Variants in ESAM observed in about 807,000 individuals in gnomAD.
The protein encoded by ESAM is endothelial cell adhesion molecule.
Under a neutral mutation model 31.8 loss-of-function variants are expected in ESAM, and 23 were observed. That is an observed-to-expected ratio of 0.72 (90% CI 0.52 to 1.03). The LOEUF (loss-of-function observed/expected upper bound fraction) is 1.03, where lower values mean the gene tolerates loss of function less well. ESAM is among the 50% of genes least tolerant of loss of function. The pLI is 0.00. For missense variants in ESAM, 478 were observed against 488.9 expected (o/e 0.98, Z 0.21); for synonymous variants, 216 against 207.2 (o/e 1.04, Z -0.37).
intron 3 of ESAM, 34 bp downstream of exon 3, chr11:124,756,507 T>G (rs1450864104): frequency 6.2e-7 from 1 of 1,609,634 alleles, no homozygotes; most frequent in Non-Finnish European, 8.5e-7. Flanking sequence ...CCAGTGCAGG[T>G]GGGGAGGGGT....
chr11:124,757,119 A>G, intron 2 of ESAM: 1 of 221,632 alleles, frequency 4.5e-6, no homozygotes, highest in Non-Finnish European at 9.0e-6. Context: ...TGGAGGAAAA[A>G]AATATTAAAA....
Position 124,754,418 on chromosome 11 carries a change from C to A in ESAM, c.731-78G>T, listed in dbSNP as rs1944130704. On this transcript the variant is annotated intron_variant, in intron 5 of 6. Coordinates refer to ENST00000278927, the MANE Select transcript of ESAM (RefSeq NM_138961.3). This position sits in a 1 kb window ranked among gnomAD's most constrained non-coding sequence, Gnocchi z 4.5. ...CTCTCCAATCCCACTCTCCCCACCC[C>A]ATCTGCCACCATACACATTCCCTCT... The A allele has an allele frequency of 1.3e-6, 2 of 1,556,126 alleles. No individual in the cohort carries two copies. The highest frequency in any genetic ancestry group is 2.4e-5 in the South Asian group (2 of 82,174).
At chr11:124,761,431 G>T (rs888911628) in intron 1 of ESAM, among the ~76,000 whole-genome samples, 2 of 151,062 alleles carry the variant, frequency 1.3e-5, no homozygotes, top group Non-Finnish European at 1.5e-5. Context: ...TTTGGCTCTG[G>T]AAACCAATAA....
At position 124,759,390 on chromosome 11, in the gene ESAM, G is replaced by C. The variant is rs1476700918; in HGVS notation, c.71-863C>G. 6.6e-6 allele frequency: 1 copy of C among 152,374 alleles called. No homozygotes were observed. The highest frequency in any genetic ancestry group is 1.5e-5 in the Non-Finnish European group (1 of 68,148). The allele number at this position is 152,374 out of a possible 1,614,324, so 9.4% of individuals were successfully genotyped here. A position where few individuals can be genotyped will look rare whatever the true frequency, so the allele number is the denominator to read the frequency against. ...AGAAATACTCATCCTTTGCCCTTCG[G>C]GGAGGCAACAGAGCAGCCAACTGGT... On this transcript the variant is annotated intron_variant, in intron 1 of 6. Coordinates refer to ENST00000278927, the MANE Select transcript of ESAM (RefSeq NM_138961.3). The surrounding 1 kb of genome is among the most constrained non-coding windows in gnomAD (Gnocchi z 6.8).
At chr11:124,755,741 A>G (rs917324284) in intron 4 of ESAM, among the ~76,000 whole-genome samples, 11 of 152,242 alleles carry the variant, frequency 7.2e-5, no homozygotes, top group African/African-American at 2.7e-4. Context: ...GTCGTTCCAT[A>G]TGACCACAAT....
At position 124,762,096 on chromosome 11, in the gene ESAM, AG is replaced by A; in HGVS notation, c.58del (p.Leu20Ter). On this transcript the variant is annotated frameshift_variant, in exon 1 of 7. Transcript: ENST00000278927. LOFTEE classifies it high-confidence loss of function. This position sits in a 1 kb window ranked among gnomAD's most constrained non-coding sequence, Gnocchi z 6.4. Reference protein sequence around the residue: ...TNLLRFLFLGLSALAPPSRAQ... With the variant: ...TNLLRFLFLGXSALAPPSRAQ... ...CGGGTTTCACTCACCGAGGGCACTC[AG>A]CCCCAGGAACAAAAACCGCAGCAAG... The A allele has an allele frequency of 6.2e-7, 1 of 1,610,546 alleles. No homozygotes were observed. Among genetic ancestry groups the A allele is most frequent in the Non-Finnish European group, 8.5e-7 (1 of 1,178,312 alleles).
chr11:124,756,686 G>A lies in ESAM; in HGVS notation c.306C>T (p.Tyr102=). 3 of 1,614,190 alleles carry A rather than the reference G, an allele frequency of 1.9e-6. No homozygotes were observed. Among genetic ancestry groups the A allele is most frequent in the Non-Finnish European group, 2.5e-6 (3 of 1,180,050 alleles). ...TTSKPGVSLV[Y]SMPSRNLSLR... ...GGGACAGGTTCCGGGAGGGCATGGAGTAGACCAAGGATACTCCAGGTTTGC... is the reference window on the plus strand; with the variant it reads ...GGGACAGGTTCCGGGAGGGCATGGAATAGACCAAGGATACTCCAGGTTTGC... The change falls in exon 3 of 7, where the codon TAC becomes TAT. Residue 102 remains tyrosine (Y), a synonymous_variant. Coordinates refer to ENST00000278927, the MANE Select transcript of ESAM (RefSeq NM_138961.3).
Position 124,756,252 on chromosome 11 carries a change from C to T in ESAM, c.562G>A (p.Asp188Asn). 6.2e-7 allele frequency: 1 copy of T among 1,614,196 alleles called. No homozygotes were observed. The highest frequency in any genetic ancestry group is 8.5e-7 in the Non-Finnish European group (1 of 1,180,048). ...GTCTGGAAGGATGGAAGCTGCCGAT[C>T]CCACTGGTATTGGACAGCGGGCTTA... is the stretch of plus-strand genomic sequence containing the variant. ...RSKPAVQYQW[D>N]RQLPSFQTFF... The change falls in exon 4 of 7, where the codon GAT becomes AAT. Residue 188 changes from aspartate to asparagine, a missense_variant. Physicochemically the swap from Asp to Asn is conservative, Grantham distance 23. Transcript: ENST00000278927.
Position 124,753,262 on chromosome 11 carries a change from A to G in ESAM, c.*384T>C, listed in dbSNP as rs1459086103. The stretch of plus-strand genomic sequence containing the variant: ...CCTAACCAAGCCAGCCTGACAGGTT[A>G]TATCAATACAGGGAGCTGGAGTGGG... On this transcript the variant is annotated 3_prime_UTR_variant, in exon 7 of 7. Transcript: ENST00000278927. 1 of 214,046 alleles carries G rather than the reference A, an allele frequency of 4.7e-6. No individual in the cohort carries two copies. Among genetic ancestry groups the G allele is most frequent in the Non-Finnish European group, 9.4e-6 (1 of 106,436 alleles). The allele number at this position is 214,046 out of a possible 1,614,324, so 13.3% of individuals were successfully genotyped here.
rs1426216938 is a variant in ESAM at position 124,755,627 on chromosome 11, A to AGG, written c.607+579_607+580insCC. Among the ~76,000 whole-genome samples the AGG allele has an allele frequency of 1.7e-3, 252 of 152,326 alleles. 2 individuals carry two copies. The highest frequency in any genetic ancestry group is 5.8e-3 in the African/African-American group (243 of 41,584). On this transcript the variant is annotated intron_variant, in intron 4 of 6. Transcript: ENST00000278927. The stretch of plus-strand genomic sequence containing the variant: ...ATGAAAATCCATATTCCCACAACCT[A>AGG]GATCCAACAGTTGCTAACTTTTTGC...
At position 124,758,524 on chromosome 11, in the gene ESAM, G is replaced by C. The variant is rs147752327; in HGVS notation, c.74C>G (p.Pro25Arg). 2 of 1,553,604 alleles carry C rather than the reference G, an allele frequency of 1.3e-6. No homozygotes were observed. The highest frequency in any genetic ancestry group is 1.7e-6 in the Non-Finnish European group (2 of 1,150,026). The change falls in exon 2 of 7, where the codon CCC (proline) becomes CGC (arginine). Residue 25 changes from proline to arginine, a missense_variant. Transcript: ENST00000278927. ...CAGTTGCAGCTGGGCCCGCGAGGGG[G>C]GCGCTGGAGACAAGAGCGAGGCGTG... ...FLFLGLSALAPPSRAQLQLHL... is the reference protein window; with the variant it reads ...FLFLGLSALARPSRAQLQLHL...
Position 124,754,015 on chromosome 11 carries a change from G to C in ESAM, c.858-54C>G. 1 of 1,594,896 alleles carries C rather than the reference G, an allele frequency of 6.3e-7. No homozygotes were observed. The highest frequency in any genetic ancestry group is 1.3e-5 in the African/African-American group (1 of 74,788). On this transcript the variant is annotated intron_variant, in intron 6 of 6. Coordinates refer to ENST00000278927, the MANE Select transcript of ESAM (RefSeq NM_138961.3). The surrounding 1 kb of genome is among the most constrained non-coding windows in gnomAD (Gnocchi z 4.5). ...AGAAGTGGGTGGGGGAAGGAGGAGAGAGTTTCTACCTGCTTGGTCTTATAT... is the reference window on the plus strand; with the variant it reads ...AGAAGTGGGTGGGGGAAGGAGGAGACAGTTTCTACCTGCTTGGTCTTATAT...
chr11:124,761,999 C>T, intron 1 of ESAM, 86 bp downstream of exon 1: 3 of 1,220,158 alleles, frequency 2.5e-6, no homozygotes, highest in Non-Finnish European at 2.4e-6. Flanking sequence ...GGACCCAGTT[C>T]CGCAGCAGTG....
chr11:124,753,638 T>C lies in ESAM; in HGVS notation c.*8A>G. 1 of 1,613,114 alleles carries C rather than the reference T, an allele frequency of 6.2e-7. No homozygotes were observed. The highest frequency in any genetic ancestry group is 8.5e-7 in the Non-Finnish European group (1 of 1,179,984). The stretch of plus-strand genomic sequence containing the variant: ...CCCAAATCCTTTAGCCAATGAGTGG[T>C]GGGGTCATCATACCAGAGAGCCAGC... On this transcript the variant is annotated 3_prime_UTR_variant, in exon 7 of 7. Coordinates refer to ENST00000278927, the MANE Select transcript of ESAM (RefSeq NM_138961.3).
Position 124,753,529 on chromosome 11 carries a change from G to C in ESAM, c.*117C>G. The stretch of plus-strand genomic sequence containing the variant: ...TTTCCCACAGTAAAGAGAGGTGGGG[G>C]CAGAGTACTAAGGGTCAGGAGTGTG... On this transcript the variant is annotated 3_prime_UTR_variant, in exon 7 of 7. Transcript: ENST00000278927. The C allele has an allele frequency of 5.5e-6, 6 of 1,088,058 alleles. No individual in the cohort carries two copies. Among genetic ancestry groups the C allele is most frequent in the Non-Finnish European group, 7.9e-6 (6 of 760,090 alleles). The allele number at this position is 1,088,058 out of a possible 1,614,324, so 67.4% of individuals were successfully genotyped here. A position where few individuals can be genotyped will look rare whatever the true frequency, so the allele number is the denominator to read the frequency against.
In ESAM at chr11:124,754,398, C is replaced by T; in HGVS notation, c.731-58G>A. On this transcript the variant is annotated intron_variant, in intron 5 of 6. Coordinates refer to ENST00000278927, the MANE Select transcript of ESAM (RefSeq NM_138961.3). This position sits in a 1 kb window ranked among gnomAD's most constrained non-coding sequence, Gnocchi z 4.5. ...CAGCTGAGGGGTTCTCACCCCTCTC[C>T]AATCCCACTCTCCCCACCCCATCTG... 2 of 1,589,842 alleles carry T rather than the reference C, an allele frequency of 1.3e-6. No individual in the cohort carries two copies. The highest frequency in any genetic ancestry group is 1.7e-6 in the Non-Finnish European group (2 of 1,168,000).
At chr11:124,761,438 A>G (rs1010308647) in intron 1 of ESAM, among the ~76,000 whole-genome samples, 3 of 151,812 alleles carry the variant, frequency 2.0e-5, no homozygotes, top group African/African-American at 4.8e-5. Flanking sequence ...CTGGAAACCA[A>G]TAAGGGTGGT....
Position 124,754,872 on chromosome 11 carries a change from G to T in ESAM, c.608-109C>A. The T allele has an allele frequency of 2.1e-6, 3 of 1,408,328 alleles. No homozygotes were observed. Among genetic ancestry groups the T allele is most frequent in the Non-Finnish European group, 2.9e-6 (3 of 1,051,536 alleles). 87.2% of individuals were successfully genotyped at this position (1,408,328 alleles called of 1,614,324 possible). On this transcript the variant is annotated intron_variant, in intron 4 of 6. Coordinates refer to ENST00000278927, the MANE Select transcript of ESAM (RefSeq NM_138961.3). The surrounding 1 kb of genome is among the most constrained non-coding windows in gnomAD (Gnocchi z 4.5). ...CCCCTTTGACCCTCTGGGAGTCACGGCTTGTCTATTCCCTGATGGGGGGAG... is the reference window on the plus strand; with the variant it reads ...CCCCTTTGACCCTCTGGGAGTCACGTCTTGTCTATTCCCTGATGGGGGGAG...
At position 124,753,716 on chromosome 11, in the gene ESAM, G is replaced by A. The variant is rs1193161422; in HGVS notation, c.1103C>T (p.Ser368Phe). 3 of 1,614,032 alleles carry A rather than the reference G, an allele frequency of 1.9e-6. No homozygotes were observed. Among genetic ancestry groups the A allele is most frequent in the Admixed American group, 1.7e-5 (1 of 60,004 alleles). Residue 368 changes from serine to phenylalanine, a missense_variant, in exon 7 of 7, where the codon TCT (serine) becomes TTT (phenylalanine). Coordinates refer to ENST00000278927, the MANE Select transcript of ESAM (RefSeq NM_138961.3). ...ISPIPGGVSS[S>F]GLSRMGAVPV... ...CACAGCACCCATGCGGCTCAAGCCA[G>A]AGGAAGAAACCCCACCAGGGATGGG...
Sources: allele counts gnomAD v4.1 joint callset (sites outside exome capture counted in the v4.1 genomes callset), GRCh38; gene constraint gnomAD v4.1.1; non-coding constraint Gnocchi (gnomAD v3.1); transcripts MANE v1.5; gene names NCBI Gene and HGNC (gene_info 2026-07-23, HGNC 2026-07-21).